RIT2: variants seen among roughly 807,000 people sequenced by gnomAD.
The protein encoded by RIT2 is Ras like without CAAX 2, also known as GTP-binding protein Rit2.
A neutral mutation model predicts 23.7 loss-of-function variants in RIT2; 24 were observed. That is an observed-to-expected ratio of 1.01 (90% CI 0.73 to 1.43). RIT2 has a LOEUF of 1.43. Ranked by LOEUF, RIT2 falls within the 40% of genes most tolerant of loss-of-function variation. RIT2 has a pLI of 0.00. For missense variants in RIT2, 236 were observed against 266.9 expected, an observed-to-expected ratio of 0.88 and a Z score of 0.81; for synonymous variants, 107 against 91.1, an observed-to-expected ratio of 1.17 and a Z score of -0.99.
chr18:42,923,772 A>G lies in RIT2; in HGVS notation c.235-9T>C. 2.0e-6 allele frequency: 2 copies of G among 991,364 alleles called. No individual in the cohort carries two copies. Among genetic ancestry groups the G allele is most frequent in the Non-Finnish European group, 2.8e-6 (2 of 722,654 alleles). 61.4% of individuals were successfully genotyped at this position (991,364 alleles called of 1,614,324 possible). A position where few individuals can be genotyped will look rare whatever the true frequency, so the allele number is the denominator to read the frequency against. The stretch of plus-strand genomic sequence containing the variant: ...ATGGCTGTGAATTCTGCCTGCAGGA[A>G]AAAAAAAAAAAAATTAGTTATGGGC... On this transcript the variant is annotated splice_polypyrimidine_tract_variant and intron_variant, in intron 3 of 4. Transcript: ENST00000326695.
At chr18:43,051,012 AC>A (rs1257202991) in intron 1 of RIT2, among the ~76,000 whole-genome samples, 4 of 152,054 alleles carry the variant, frequency 2.6e-5, no homozygotes, top group African/African-American at 9.7e-5. Context: ...GTTAGTGAGA[AC>A]CCCAACGTGA....
At chr18:42,793,689 A>G (rs1453185461) in intron 4 of RIT2, among the ~76,000 whole-genome samples, 1 of 152,192 alleles carries the variant, frequency 6.6e-6, no homozygotes, top group African/African-American at 2.4e-5. Flanking sequence ...GATAAAGAGA[A>G]CCCAAAGGGA....
chr18:43,092,539 A>G (rs1457974926), intron 1 of RIT2, among the ~76,000 whole-genome samples: 1 of 152,048 alleles, frequency 6.6e-6, no homozygotes, highest in Non-Finnish European at 1.5e-5. Context: ...AAACTTAAAT[A>G]CAGTCTCAAG....
chr18:43,113,193 C>A (rs1913993078), intron 1 of RIT2, among the ~76,000 whole-genome samples: 1 of 152,124 alleles, frequency 6.6e-6, no homozygotes, highest in Non-Finnish European at 1.5e-5. Flanking sequence ...GATGGAAGAA[C>A]ATCAGGTAAG....
intron 4 of RIT2, among the ~76,000 whole-genome samples, chr18:42,853,588 T>C (rs1188666231): frequency 1.3e-5 from 2 of 152,196 alleles, no homozygotes; most frequent in African/African-American, 4.8e-5. Context: ...CACATATACA[T>C]TTATATTTTT....
At chr18:43,107,987 C>A (rs912910599) in intron 1 of RIT2, among the ~76,000 whole-genome samples, 6 of 139,754 alleles carry the variant, frequency 4.3e-5, no homozygotes, top group Non-Finnish European at 6.1e-5. Flanking sequence ...CACGGTGATA[C>A]CCCGTCTCTA....
intron 4 of RIT2, among the ~76,000 whole-genome samples, chr18:42,799,662 C>A (rs943835909): frequency 1.3e-5 from 2 of 152,208 alleles, no homozygotes; most frequent in African/African-American, 4.8e-5. Context: ...CAGAGCTGAG[C>A]ATGATCTGGA....
chr18:42,998,211 G>T (rs7236139), intron 2 of RIT2, among the ~76,000 whole-genome samples: 145,129 of 152,188 alleles, frequency 0.95, 69,561 homozygotes, highest in East Asian at 1. Context: ...GTGCTGCCCA[G>T]TAGCTTTAAG....
intron 2 of RIT2, among the ~76,000 whole-genome samples, chr18:42,996,801 T>C (rs1338300121): frequency 6.6e-6 from 1 of 152,156 alleles, no homozygotes; most frequent in Non-Finnish European, 1.5e-5. Context: ...TTCACATGGA[T>C]GCGCATGAAA....
chr18:42,762,835 T>C (rs1431408140), intron 4 of RIT2, among the ~76,000 whole-genome samples: 1 of 152,206 alleles, frequency 6.6e-6, no homozygotes, highest in Non-Finnish European at 1.5e-5. Context: ...ATGTAACTAG[T>C]ACACCCTCCA....
chr18:42,744,812 A>C (rs1912879605), intron 4 of RIT2, among the ~76,000 whole-genome samples: 1 of 152,186 alleles, frequency 6.6e-6, no homozygotes, highest in South Asian at 2.1e-4. Flanking sequence ...AAACACCACC[A>C]TTATGGGTAA....
chr18:43,086,280 A>G (rs1040481780), intron 1 of RIT2, among the ~76,000 whole-genome samples: 3 of 152,156 alleles, frequency 2.0e-5, no homozygotes, highest in Non-Finnish European at 2.9e-5. Context: ...CAAGTTGTAT[A>G]GACATTACAA....
Position 42,923,711 on chromosome 18 carries a change from A to T in RIT2, c.287T>A (p.Ile96Asn), listed in dbSNP as rs1848746070. ...ACGGTCAGTGACGGAGTAGCAGATG[A>T]TGAAGCCTTCCCCACCTCGCATGTA... ...EQYMRGGEGF[I>N]ICYSVTDRQS... Residue 96 changes from isoleucine to asparagine, a missense_variant, in exon 4 of 5, where the codon ATC becomes AAC. Ile to Asn is a moderately radical substitution (Grantham distance 149). Coordinates refer to ENST00000326695, the MANE Select transcript of RIT2 (RefSeq NM_002930.4). The T allele has an allele frequency of 1.2e-6, 2 of 1,613,082 alleles. No individual in the cohort carries two copies. The highest frequency in any genetic ancestry group is 1.7e-6 in the Non-Finnish European group (2 of 1,179,612).
chr18:43,057,764 C>T (rs1912540655), intron 1 of RIT2, among the ~76,000 whole-genome samples: 1 of 148,124 alleles, frequency 6.8e-6, no homozygotes, highest in African/African-American at 2.5e-5. Context: ...AATATTTTCT[C>T]TAGCAATGGA....
intron 4 of RIT2, among the ~76,000 whole-genome samples, chr18:42,811,432 C>A (rs1905846486): frequency 6.6e-6 from 1 of 152,042 alleles, no homozygotes; most frequent in Admixed American, 6.6e-5. Flanking sequence ...TTACAAATGA[C>A]CAAGATGAGA....
chr18:42,991,267 A>G (rs923679670), intron 2 of RIT2, among the ~76,000 whole-genome samples: 10 of 152,160 alleles, frequency 6.6e-5, no homozygotes, highest in East Asian at 3.9e-4. Context: ...TCAGCCATAT[A>G]AGGATACTGG....
intron 3 of RIT2, among the ~76,000 whole-genome samples, chr18:42,957,774 ACTT>A (rs1212815603): frequency 3.3e-5 from 5 of 152,140 alleles, no homozygotes; most frequent in African/African-American, 7.2e-5. Context: ...ACAGAGTGAG[ACTT>A]CTTCTCAAAA....
intron 1 of RIT2, among the ~76,000 whole-genome samples, chr18:43,108,347 CGTGTGTGTGTGT>C (rs138256652): frequency 1.3e-5 from 2 of 149,198 alleles, no homozygotes; most frequent in Non-Finnish European, 3.0e-5. Context: ...GGCCATATTA[CGTGTGTGTGTGT>C]GTGTGTGTGT....
chr18:42,866,908 T>C (rs959035057), intron 4 of RIT2, among the ~76,000 whole-genome samples: 1 of 152,170 alleles, frequency 6.6e-6, no homozygotes, highest in African/African-American at 2.4e-5. Flanking sequence ...TTCTATTTTG[T>C]TTGATTGCAC....
Sources: allele counts gnomAD v4.1 joint callset (sites outside exome capture counted in the v4.1 genomes callset), GRCh38; gene constraint gnomAD v4.1.1; transcripts MANE v1.5; gene names NCBI Gene and HGNC (gene_info 2026-07-23, HGNC 2026-07-21).